ACSM3: variants seen among roughly 807,000 people sequenced by gnomAD.
The protein encoded by ACSM3 is acyl-CoA synthetase medium chain family member 3.
A neutral mutation model predicts 74.1 loss-of-function variants in ACSM3; 61 were observed. The ratio of observed to expected loss-of-function variants is 0.82; its 90% confidence interval spans 0.67 to 1.02. The LOEUF is 1.02. ACSM3 is among the 50% of genes least tolerant of loss of function. ACSM3 has a pLI of 0.00. For missense variants in ACSM3, 660 were observed against 697.0 expected (o/e 0.95, Z 0.60); for synonymous variants, 213 against 241.5 (o/e 0.88, Z 1.09).
intron 1 of ACSM3, among the ~76,000 whole-genome samples, chr16:20,709,828 G>A (rs1596482549): frequency 6.6e-6 from 1 of 152,126 alleles, no homozygotes; most frequent in Non-Finnish European, 1.5e-5. Flanking sequence ...AAGTAGTTTG[G>A]CTTATAGCAC....
chr16:20,696,396 T>C (rs1324622047), intron 1 of ACSM3, among the ~76,000 whole-genome samples: 2 of 152,226 alleles, frequency 1.3e-5, no homozygotes, highest in Non-Finnish European at 2.9e-5. Context: ...ACATAGTAAG[T>C]GCTCAACAAA....
At chr16:20,685,847 C>A (rs4783459) in intron 1 of ACSM3, among the ~76,000 whole-genome samples, 41,237 of 88,024 alleles carry the variant, frequency 0.47, 10,472 homozygotes, top group Non-Finnish European at 0.58. Context: ...AAAAAAAAAA[C>A]AAAAAACTTA....
chr16:20,797,070 T>A lies in ACSM3; in HGVS notation c.*98T>A. 1 of 1,483,564 alleles carries A rather than the reference T, an allele frequency of 6.7e-7. No homozygotes were observed. Among genetic ancestry groups the A allele is most frequent in the East Asian group, 2.5e-5 (1 of 40,214 alleles). The allele number at this position is 1,483,564 out of a possible 1,614,324, so 91.9% of individuals were successfully genotyped here. A position where few individuals can be genotyped will look rare whatever the true frequency, so the allele number is the denominator to read the frequency against. ...GGAGAGGTCATAAAAACTGTGGTAG[T>A]ATGCTTAGAAACTGTTGATTTAAAA... On this transcript the variant is annotated 3_prime_UTR_variant, in exon 14 of 14. Coordinates refer to ENST00000289416, the MANE Select transcript of ACSM3 (RefSeq NM_005622.4).
intron 1 of ACSM3, among the ~76,000 whole-genome samples, chr16:20,685,828 AAAACAAACAAAAAAAAAAC>A (rs1393543596): frequency 3.7e-5 from 4 of 107,246 alleles, no homozygotes; most frequent in Admixed American, 8.6e-5. Context: ...TCAAAAAAAA[AAAACAAACAAAAAAAAAAC>A]AAAAAACTTA....
chr16:20,790,688 A>G lies in ACSM3; in HGVS notation c.1326A>G (p.Val442=). 1 of 1,614,062 alleles carries G rather than the reference A, an allele frequency of 6.2e-7. No homozygotes were observed. Among genetic ancestry groups the G allele is most frequent in the Non-Finnish European group, 8.5e-7 (1 of 1,179,974 alleles). ...CATTTGGCCTTTTTACTCATTACGT[A>G]GTAAGTGACTTACTAAATAATCTCA... ...NRPFGLFTHY[V]DNPSKTASTL... The change falls in exon 10 of 14, where the codon GTA becomes GTG. Residue 442 remains valine (V), a splice_region_variant and synonymous_variant. Coordinates refer to ENST00000289416, the MANE Select transcript of ACSM3 (RefSeq NM_005622.4). This position sits in a 1 kb window ranked among gnomAD's most constrained non-coding sequence, Gnocchi z 4.0.
chr16:20,785,253 C>A, intron 8 of ACSM3, 146 bp downstream of exon 8: 1 of 1,125,138 alleles, frequency 8.9e-7, no homozygotes, highest in South Asian at 1.5e-5. Flanking sequence ...TTGCAAGAAC[C>A]TAATTGCAAA....
chr16:20,765,805 C>CA (rs1359764192), intron 1 of ACSM3, among the ~76,000 whole-genome samples: 1 of 152,164 alleles, frequency 6.6e-6, no homozygotes, highest in African/African-American at 2.4e-5. Flanking sequence ...TAAATAACTG[C>CA]AAAATGCTTA....
intron 1 of ACSM3, chr16:20,736,777 C>T: frequency 8.6e-7 from 1 of 1,164,722 alleles, no homozygotes; most frequent in Non-Finnish European, 1.2e-6. Context: ...CATAATGCAG[C>T]ACACAAATAA....
chr16:20,767,631 A>G (rs2080142461), intron 1 of ACSM3, among the ~76,000 whole-genome samples: 1 of 152,076 alleles, frequency 6.6e-6, no homozygotes, highest in Non-Finnish European at 1.5e-5. Context: ...CTGCAGGGCA[A>G]CTGGGATTCA....
At chr16:20,716,773 T>C (rs1182648865) in intron 1 of ACSM3, among the ~76,000 whole-genome samples, 2 of 152,162 alleles carry the variant, frequency 1.3e-5, no homozygotes, top group African/African-American at 4.8e-5. Context: ...GTTGGCCCCC[T>C]GGACCCAACT....
intron 1 of ACSM3, among the ~76,000 whole-genome samples, chr16:20,713,952 T>C (rs1191479583): frequency 2.6e-5 from 4 of 152,178 alleles, no homozygotes; most frequent in East Asian, 1.9e-4. Flanking sequence ...TTTTACACTG[T>C]TAGAGTTGAT....
intron 1 of ACSM3, among the ~76,000 whole-genome samples, chr16:20,725,959 G>A (rs937289581): frequency 6.6e-6 from 1 of 151,674 alleles, no homozygotes; most frequent in Non-Finnish European, 1.5e-5. Context: ...GGGCAACAGC[G>A]CAAGACTCCA....
chr16:20,785,240 T>C, intron 8 of ACSM3, 133 bp downstream of exon 8: 10 of 1,277,502 alleles, frequency 7.8e-6, no homozygotes, highest in Non-Finnish European at 1.1e-5. Context: ...AAAAAAACAA[T>C]GCTTGCAAGA....
intron 6 of ACSM3, 60 bp from the exon 7 acceptor site, chr16:20,781,648 A>T: frequency 8.0e-7 from 1 of 1,247,946 alleles, no homozygotes; most frequent in Non-Finnish European, 1.2e-6. Context: ...TCAACCAAAG[A>T]CATTTAAGCA....
At chr16:20,733,506 T>C (rs1032054558) in intron 1 of ACSM3, among the ~76,000 whole-genome samples, 1 of 152,180 alleles carries the variant, frequency 6.6e-6, no homozygotes, top group Non-Finnish European at 1.5e-5. Flanking sequence ...GATTTAGAAG[T>C]ATTAATTATT....
intron 1 of ACSM3, chr16:20,737,837 T>G: frequency 6.2e-7 from 1 of 1,613,970 alleles, no homozygotes; most frequent in Middle Eastern, 1.7e-4. Flanking sequence ...TATTTTTTCA[T>G]ATCTTCTAAA....
rs1028694917 is a variant in ACSM3, at chr16:20,790,309, G to A, written c.1225-278G>A. ...AAAAATAAAAATAAACATTAGCTGA[G>A]CATAATGACATGTGCTTGTAGCCCC... On this transcript the variant is annotated intron_variant, in intron 9 of 13. Transcript: ENST00000289416. This position sits in a 1 kb window ranked among gnomAD's most constrained non-coding sequence, Gnocchi z 4.0. 1.3e-5 allele frequency among the ~76,000 whole-genome samples: 2 copies of A among 152,096 alleles called. No homozygotes were observed. Among genetic ancestry groups the A allele is most frequent in the African/African-American group, 4.8e-5 (2 of 41,420 alleles).
At position 20,792,575 on chromosome 16, in the gene ACSM3, C is replaced by T. The variant is rs1251745797; in HGVS notation, c.1554+240C>T. On this transcript the variant is annotated intron_variant, in intron 12 of 13. Transcript: ENST00000289416. ...ATACGTACTAGAAAGAATTTGAATT[C>T]CTTCCGTGGTGGACTAGGGCAAAGA... The T allele has an allele frequency of 3.0e-6, 3 of 985,276 alleles. No homozygotes were observed. In the African/African-American group the frequency reaches 5.2e-5, roughly 17 times the overall value. 61.0% of individuals were successfully genotyped at this position (985,276 alleles called of 1,614,324 possible).
chr16:20,737,823 T>C, intron 1 of ACSM3: 2 of 1,614,008 alleles, frequency 1.2e-6, no homozygotes, highest in African/African-American at 1.3e-5. Context: ...AAAATGTTTC[T>C]GCATATTTTT....
Sources: gnomAD v4.1 joint callset for allele counts (sites outside exome capture counted in the v4.1 genomes callset) on GRCh38, gnomAD v4.1.1 for gene constraint, Gnocchi (gnomAD v3.1) non-coding constraint, MANE v1.5 for transcripts, NCBI Gene and HGNC (gene_info 2026-07-23, HGNC 2026-07-21) for gene names.